TENM1: variants seen among roughly 807,000 people sequenced by gnomAD.
TENM1 encodes the protein teneurin transmembrane protein 1.
A neutral mutation model predicts 174.8 loss-of-function variants in TENM1; 35 were observed. The observed-to-expected ratio is 0.20, with a 90% CI of 0.15 to 0.27. TENM1 has a LOEUF of 0.27. Ranked by LOEUF, TENM1 falls within the 10% of genes least tolerant of loss-of-function variation. The pLI is 1.00. For synonymous variants in TENM1, 781 were observed against 798.7 expected (o/e 0.98, Z 0.37); for missense variants, 1,633 against 2,130.1 (o/e 0.77, Z 4.59).
chrX:125,112,134 T>TTGTGTGTGTG, the TENM1 span, among the ~76,000 whole-genome samples: 4,056 of 92,624 alleles, frequency 0.044, 87 homozygotes, highest in Non-Finnish European at 0.055. Context: ...TTTAATGAAA[T>TTGTGTGTGTG]TGTGTGTGTG....
chrX:125,090,496 A>C, the TENM1 span, among the ~76,000 whole-genome samples: 7 of 110,075 alleles, frequency 6.4e-5, no homozygotes, highest in African/African-American at 2.3e-4. Context: ...ATATACAAAA[A>C]AAAAAAAAAA....
chrX:125,085,281 T>G, the TENM1 span, among the ~76,000 whole-genome samples: 1 of 110,969 alleles, frequency 9.0e-6, no homozygotes, highest in African/African-American at 3.3e-5. Context: ...AATGATGTAC[T>G]GTAATGTTTG....
the TENM1 span, among the ~76,000 whole-genome samples, chrX:125,080,961 T>C: frequency 9.0e-6 from 1 of 111,313 alleles, no homozygotes; most frequent in Admixed American, 9.6e-5. Flanking sequence ...AGGCACATAC[T>C]GGCTTAGCAA....
At chrX:124,850,920 A>G (rs191332306) in intron 3 of TENM1, among the ~76,000 whole-genome samples, 4 of 111,761 alleles carry the variant, frequency 3.6e-5, no homozygotes, top group African/African-American at 1.3e-4. Context: ...TTCAAACACT[A>G]TGAGAGCCAA....
In TENM1 at chrX:124,416,685, T is replaced by G. The variant is rs72610642; in HGVS notation, c.4982+3626A>C. Among the ~76,000 whole-genome samples, 67 of 111,699 alleles carry G rather than the reference T, an allele frequency of 6.0e-4. No homozygotes were observed. In the East Asian group the frequency reaches 0.019, roughly 31 times the overall value. On this transcript the variant is annotated intron_variant, in intron 25 of 31. Transcript: ENST00000422452. Reference sequence around the variant, plus strand: ...TCCTCATCTTACTTATCAGGAGTATTTGGCACAGTGGCTCACTCTTTCCTC... The same window carrying G: ...TCCTCATCTTACTTATCAGGAGTATGTGGCACAGTGGCTCACTCTTTCCTC...
At chrX:124,776,127 A>G (rs2054777715) in intron 3 of TENM1, among the ~76,000 whole-genome samples, 1 of 111,948 alleles carries the variant, frequency 8.9e-6, no homozygotes, top group African/African-American at 3.3e-5. Context: ...TGCATTCCTT[A>G]TCTAGAGAAT....
Position 124,443,074 on chromosome X carries a change from G to A in TENM1, c.4104+10263C>T, listed in dbSNP as rs111584001. On this transcript the variant is annotated intron_variant, in intron 23 of 31. Transcript: ENST00000422452. ...TGTGTGTGTGTGTGTGTGTGTGTGT[G>A]TGTGTGTGTGTGTGTGTGTGTGTGT... Among the ~76,000 whole-genome samples the A allele has an allele frequency of 6.3e-3, 614 of 96,959 alleles. 2 individuals carry two copies. Among genetic ancestry groups the A allele is most frequent in the African/African-American group, 0.023 (562 of 24,287 alleles). The allele number at this position is 96,959 out of a possible 115,157, so 84.2% of individuals were successfully genotyped here. A position where few individuals can be genotyped will look rare whatever the true frequency, so the allele number is the denominator to read the frequency against.
the TENM1 span, among the ~76,000 whole-genome samples, chrX:125,169,072 C>T: frequency 3.8e-4 from 42 of 110,493 alleles, no homozygotes; most frequent in Admixed American, 4.0e-3. Flanking sequence ...ACATCTTTTG[C>T]TTTTGCCTCT....
intron 23 of TENM1, among the ~76,000 whole-genome samples, chrX:124,451,293 A>C (rs1039335692): frequency 4.5e-5 from 5 of 111,014 alleles, no homozygotes; most frequent in Non-Finnish European, 7.6e-5. Flanking sequence ...AAAAAAAACC[A>C]AAAAAACACA....
At chrX:124,715,896 A>G (rs2053172368) in intron 4 of TENM1, among the ~76,000 whole-genome samples, 2 of 111,396 alleles carry the variant, frequency 1.8e-5, no homozygotes, top group Non-Finnish European at 3.8e-5. Context: ...CTCGATAAGG[A>G]CATCTTATAT....
the TENM1 span, among the ~76,000 whole-genome samples, chrX:124,971,574 C>A: frequency 2.7e-5 from 3 of 111,580 alleles, no homozygotes; most frequent in African/African-American, 9.8e-5. Context: ...TAACTGAAGC[C>A]ATATAAAGAT....
intron 3 of TENM1, among the ~76,000 whole-genome samples, chrX:124,887,230 T>TA (rs1241818988): frequency 6.3e-5 from 7 of 110,332 alleles, no homozygotes; most frequent in Non-Finnish European, 1.1e-4. Flanking sequence ...AGGGACTGGC[T>TA]AAAAAAAATA....
At chrX:124,387,550 A>G (rs2060234185) in intron 28 of TENM1, among the ~76,000 whole-genome samples, 1 of 112,260 alleles carries the variant, frequency 8.9e-6, no homozygotes, top group African/African-American at 3.2e-5. Flanking sequence ...TTCATTTTCT[A>G]AGCACAAATT....
At chrX:124,563,193 T>C (rs2048859710) in intron 13 of TENM1, among the ~76,000 whole-genome samples, 2 of 110,056 alleles carry the variant, frequency 1.8e-5, no homozygotes, top group Non-Finnish European at 3.8e-5. Context: ...CTAGGATATC[T>C]GGCAGAAAAA....
At chrX:124,516,946 T>C (rs184712779) in intron 18 of TENM1, among the ~76,000 whole-genome samples, 1 of 111,961 alleles carries the variant, frequency 8.9e-6, no homozygotes, top group African/African-American at 3.2e-5. Flanking sequence ...GGTACTTATA[T>C]ACCATGGAAT....
chrX:124,604,961 C>T (rs1386658370), intron 11 of TENM1, among the ~76,000 whole-genome samples: 1 of 107,769 alleles, frequency 9.3e-6, no homozygotes, highest in East Asian at 2.9e-4. Flanking sequence ...CTCTCCCTTA[C>T]ATGCCCTATT....
chrX:125,149,685 T>C, the TENM1 span, among the ~76,000 whole-genome samples: 2 of 111,898 alleles, frequency 1.8e-5, no homozygotes, highest in Non-Finnish European at 3.8e-5. Flanking sequence ...CCTATCCTTA[T>C]CTGGGAAGAG....
chrX:124,644,071 GTA>G (rs1464092639), intron 10 of TENM1, among the ~76,000 whole-genome samples: 2 of 95,967 alleles, frequency 2.1e-5, no homozygotes, highest in African/African-American at 7.7e-5. Context: ...ATATATATGT[GTA>G]TATATAATAT....
the TENM1 span, among the ~76,000 whole-genome samples, chrX:125,091,904 G>T: frequency 1.0e-5 from 1 of 100,236 alleles, no homozygotes; most frequent in African/African-American, 3.8e-5. Flanking sequence ...AGAATCGTTT[G>T]AACCCAGGAG....
Sources: gnomAD v4.1 joint callset for allele counts (sites outside exome capture counted in the v4.1 genomes callset) on GRCh38, gnomAD v4.1.1 for gene constraint, MANE v1.5 for transcripts, NCBI Gene and HGNC (gene_info 2026-07-23, HGNC 2026-07-21) for gene names.